The following EML6 variants were observed in gnomAD, a reference collection of about 807,000 sequenced individuals.
EML6 encodes the protein echinoderm microtubule-associated protein-like 6.
Under a neutral mutation model 240.1 loss-of-function variants are expected in EML6, and 154 were observed. The observed-to-expected ratio is 0.64, with a 90% CI of 0.56 to 0.73. The LOEUF (loss-of-function observed/expected upper bound fraction) is 0.73. EML6 is among the 30% of genes least tolerant of loss of function. EML6 has a pLI of 0.00. For missense variants in EML6, 2,964 were observed against 2,474.6 expected, an observed-to-expected ratio of 1.20 and a Z score of -4.20; for synonymous variants, 1,148 against 899.0, an observed-to-expected ratio of 1.28 and a Z score of -4.95.
At chr2:54,957,619 A>C (rs1676291069) in intron 32 of EML6, among the ~76,000 whole-genome samples, 171 bp from the exon 33 acceptor site, 1 of 152,192 alleles carries the variant, frequency 6.6e-6, no homozygotes, top group African/African-American at 2.4e-5. Context: ...CTTGCCAGAC[A>C]CACTTTCCCC....
At chr2:54,745,069 A>G (rs557180955) in intron 2 of EML6, among the ~76,000 whole-genome samples, 1 of 152,190 alleles carries the variant, frequency 6.6e-6, no homozygotes, top group African/African-American at 2.4e-5. Flanking sequence ...GAGTCTTTAC[A>G]AGAGAAGGGA....
chr2:54,837,952 C>A lies in EML6; in HGVS notation c.848-6095C>A, dbSNP rs78421615. Among the ~76,000 whole-genome samples, 4 of 152,324 alleles carry A rather than the reference C, an allele frequency of 2.6e-5. No homozygotes were observed. The East Asian group carries it at 7.7e-4, about 29-fold the overall frequency. ...TTTTAAGAACACTATTAAATACGAG[C>A]CTCTGCCTGCTTTCAGTTTTCCCCT... On this transcript the variant is annotated intron_variant, in intron 7 of 41. Transcript: ENST00000356458.
At chr2:54,778,137 A>G (rs952236168) in intron 2 of EML6, among the ~76,000 whole-genome samples, 2 of 152,144 alleles carry the variant, frequency 1.3e-5, no homozygotes, top group African/African-American at 4.8e-5. Flanking sequence ...TTCCATTTAT[A>G]TGTATCTGTG....
At chr2:54,806,585 C>A (rs1191941317) in intron 2 of EML6, among the ~76,000 whole-genome samples, 1 of 130,250 alleles carries the variant, frequency 7.7e-6, no homozygotes, top group East Asian at 2.3e-4. Context: ...TGCACTCCAG[C>A]CTGGGCAACA....
chr2:54,824,185 C>G (rs1033142402), intron 5 of EML6, among the ~76,000 whole-genome samples: 15 of 152,142 alleles, frequency 9.9e-5, no homozygotes, highest in African/African-American at 3.6e-4. Context: ...CCTTGGTTAA[C>G]TCTAACTTTT....
chr2:54,844,355 C>T, intron 8 of EML6, 107 bp downstream of exon 8: 13 of 847,698 alleles, frequency 1.5e-5, no homozygotes, highest in Non-Finnish European at 2.4e-5. Flanking sequence ...CACACAGTTT[C>T]CAAATGAAAC....
In EML6 at chr2:54,737,431, T is replaced by C. The variant is rs550361951; in HGVS notation, c.197+12173T>C. 5.9e-5 allele frequency among the ~76,000 whole-genome samples: 9 copies of C among 152,304 alleles called. No individual in the cohort carries two copies. The East Asian group carries it at 1.7e-3, about 29-fold the overall frequency. On this transcript the variant is annotated intron_variant, in intron 2 of 41. Transcript: ENST00000356458. ...CTTCTGCCTCAGCCTTCTGAGTAGC[T>C]GGGATTATAGGCATGCGCCACCGTG...
chr2:54,955,078 T>C (rs1363577924), intron 32 of EML6, among the ~76,000 whole-genome samples: 1 of 152,234 alleles, frequency 6.6e-6, no homozygotes, highest in African/African-American at 2.4e-5. Context: ...CTTGCAGACA[T>C]TTGTAATGAT....
intron 37 of EML6, 74 bp from the exon 38 acceptor site, chr2:54,964,497 C>A: frequency 7.1e-7 from 1 of 1,416,818 alleles, no homozygotes; most frequent in South Asian, 1.4e-5. Context: ...AGGCCTGTCA[C>A]AGACCAGCCT....
At chr2:54,763,757 A>G (rs1163223360) in intron 2 of EML6, among the ~76,000 whole-genome samples, 1 of 152,206 alleles carries the variant, frequency 6.6e-6, no homozygotes, top group East Asian at 1.9e-4. Context: ...TTTCATCGGA[A>G]AACAGCTTCA....
chr2:54,730,033 A>T (rs560642134), intron 2 of EML6, among the ~76,000 whole-genome samples: 1 of 152,108 alleles, frequency 6.6e-6, no homozygotes, highest in South Asian at 2.1e-4. Context: ...ATATTCCGGG[A>T]CCTAGGGCCA....
chr2:54,905,568 AT>A (rs1259620373), intron 24 of EML6, among the ~76,000 whole-genome samples: 1 of 152,122 alleles, frequency 6.6e-6, no homozygotes, highest in African/African-American at 2.4e-5. Flanking sequence ...CATTTTAATC[AT>A]TTTTTAAGTG....
intron 28 of EML6, among the ~76,000 whole-genome samples, chr2:54,936,501 C>A (rs1271762911): frequency 6.6e-6 from 1 of 152,152 alleles, no homozygotes; most frequent in Non-Finnish European, 1.5e-5. Context: ...AGAAACCCAA[C>A]TTTATAATAA....
intron 28 of EML6, among the ~76,000 whole-genome samples, chr2:54,932,499 A>G (rs555933975): frequency 1.3e-5 from 2 of 152,124 alleles, no homozygotes; most frequent in African/African-American, 4.8e-5. Context: ...CTCAAGTGCC[A>G]CGCCCCAACC....
Position 54,947,610 on chromosome 2 carries a change from T to C in EML6, c.4005-1272T>C, listed in dbSNP as rs970557319. On this transcript the variant is annotated intron_variant, in intron 28 of 41. Coordinates refer to ENST00000356458, the MANE Select transcript of EML6 (RefSeq NM_001039753.4). ...CTTGATTTGGAAACAAAGTATCCAT[T>C]GTACATAACTCCCCACGACATCCAG... 2.6e-5 allele frequency among the ~76,000 whole-genome samples: 4 copies of C among 152,302 alleles called. No individual in the cohort carries two copies. In the East Asian group the frequency reaches 7.7e-4, roughly 29 times the overall value.
At chr2:54,799,196 G>T (rs887196114) in intron 2 of EML6, among the ~76,000 whole-genome samples, 14 of 152,112 alleles carry the variant, frequency 9.2e-5, no homozygotes, top group African/African-American at 3.4e-4. Context: ...TAGTAGCTGG[G>T]ACTACAGGTG....
At chr2:54,769,484 G>A (rs1366748434) in intron 2 of EML6, among the ~76,000 whole-genome samples, 1 of 152,138 alleles carries the variant, frequency 6.6e-6, no homozygotes, top group Admixed American at 6.6e-5. Flanking sequence ...GAAAACTACT[G>A]AAGCATATAC....
At chr2:54,934,948 T>C (rs986412947) in intron 28 of EML6, among the ~76,000 whole-genome samples, 1 of 152,216 alleles carries the variant, frequency 6.6e-6, no homozygotes, top group Admixed American at 6.5e-5. Context: ...TTAAGTCAAA[T>C]CACTTGTCAC....
intron 26 of EML6, among the ~76,000 whole-genome samples, chr2:54,926,186 C>G (rs1674535909): frequency 6.6e-6 from 1 of 152,210 alleles, no homozygotes; most frequent in East Asian, 1.9e-4. Flanking sequence ...ACAGCAACCT[C>G]TGCCTCCCAG....
Sources: gnomAD v4.1 joint callset for allele counts (sites outside exome capture counted in the v4.1 genomes callset) on GRCh38, gnomAD v4.1.1 for gene constraint, MANE v1.5 for transcripts, NCBI Gene and HGNC (gene_info 2026-07-23, HGNC 2026-07-21) for gene names.